The following CCDC169 variants were observed in gnomAD, a reference collection of about 807,000 sequenced individuals.
CCDC169 encodes the protein coiled-coil domain containing 169, also known as coiled-coil domain-containing protein 169.
Under a neutral mutation model 36.0 loss-of-function variants are expected in CCDC169, and 30 were observed. The ratio of observed to expected loss-of-function variants is 0.83; its 90% CI spans 0.62 to 1.13. The LOEUF (loss-of-function observed/expected upper bound fraction) is 1.13, where lower values mean the gene tolerates loss of function less well. CCDC169 is among the 50% of genes most tolerant of loss of function. The pLI, the probability that CCDC169 is intolerant of heterozygous loss-of-function variation, is 0.00. For synonymous variants in CCDC169, 85 were observed against 81.5 expected (o/e 1.04, Z -0.23); for missense variants, 245 against 245.9 (o/e 1.00, Z 0.03).
intron 7 of CCDC169, among the ~76,000 whole-genome samples, chr13:36,233,319 C>T (rs1035635623): frequency 3.9e-5 from 6 of 152,166 alleles, no homozygotes; most frequent in African/African-American, 1.2e-4. Context: ...GTGACAACAA[C>T]AAACCCTGGG....
intron 4 of CCDC169, among the ~76,000 whole-genome samples, chr13:36,259,461 C>A (rs1191873420): frequency 6.6e-6 from 1 of 152,226 alleles, no homozygotes; most frequent in African/African-American, 2.4e-5. Context: ...AAAGGACACT[C>A]CACAGAGTGA....
rs114986661 is a variant in CCDC169 at position 36,283,240 on chromosome 13, A to G, written c.315+229T>C. 2,923 of 518,784 alleles carry G rather than the reference A, an allele frequency of 5.6e-3. 43 individuals are homozygous for G. The highest frequency in any genetic ancestry group is 0.036 in the African/African-American group (1,868 of 51,704). 32.1% of individuals were successfully genotyped at this position (518,784 alleles called of 1,614,324 possible). A position where few individuals can be genotyped will look rare whatever the true frequency, so the allele number is the denominator to read the frequency against. On this transcript the variant is annotated intron_variant, in intron 4 of 7. Transcript: ENST00000239859. ...AAGGTTGGCGGTGATTCAAAAAGCA[A>G]TATCTATACATGCTCTGCTCTTCAG...
At chr13:36,255,659 T>TAAAAAA (rs3083965) in intron 4 of CCDC169, among the ~76,000 whole-genome samples, 3,071 of 124,426 alleles carry the variant, frequency 0.025, 53 homozygotes, top group South Asian at 0.039. Flanking sequence ...CAAGGCTCCA[T>TAAAAAA]AAAAAAAAAA....
At chr13:36,252,586 T>C (rs986428381) in intron 6 of CCDC169, among the ~76,000 whole-genome samples, 1 of 152,170 alleles carries the variant, frequency 6.6e-6, no homozygotes, top group Non-Finnish European at 1.5e-5. Flanking sequence ...TCTTTTCGGC[T>C]CTTCCTCCCT....
At chr13:36,281,745 C>T (rs1877566433) in intron 4 of CCDC169, among the ~76,000 whole-genome samples, 1 of 151,926 alleles carries the variant, frequency 6.6e-6, no homozygotes, top group Non-Finnish European at 1.5e-5. Flanking sequence ...GCCTGTAGTC[C>T]CAGCTATTCA....
At chr13:36,243,098 T>C (rs1335061575) in intron 7 of CCDC169, among the ~76,000 whole-genome samples, 1 of 152,194 alleles carries the variant, frequency 6.6e-6, no homozygotes, top group Non-Finnish European at 1.5e-5. Flanking sequence ...GAGTCATGGA[T>C]AAATCAGCTT....
intron 1 of CCDC169, among the ~76,000 whole-genome samples, chr13:36,296,202 C>G (rs1187675898): frequency 2.0e-5 from 3 of 152,230 alleles, no homozygotes; most frequent in Non-Finnish European, 4.4e-5. Flanking sequence ...AGCAATTCTC[C>G]TGCCTCAGCC....
intron 7 of CCDC169, among the ~76,000 whole-genome samples, chr13:36,236,362 G>GT (rs1408686640): frequency 1.3e-5 from 2 of 151,930 alleles, no homozygotes; most frequent in African/African-American, 4.8e-5. Flanking sequence ...ACGGTCAATT[G>GT]TTTTTTTACA....
chr13:36,233,162 T>C (rs1870639619), intron 7 of CCDC169, among the ~76,000 whole-genome samples: 1 of 152,230 alleles, frequency 6.6e-6, no homozygotes, highest in African/African-American at 2.4e-5. Context: ...AGGAGATTTA[T>C]TGATGCTAGG....
chr13:36,282,444 A>T, intron 4 of CCDC169: 1 of 985,066 alleles, frequency 1.0e-6, no homozygotes, highest in Non-Finnish European at 1.2e-6. Context: ...TCTATCGCTG[A>T]CTCCTTGATT....
At chr13:36,264,460 C>T (rs1410630) in intron 4 of CCDC169, among the ~76,000 whole-genome samples, 38,710 of 151,624 alleles carry the variant, frequency 0.26, 5,204 homozygotes, top group East Asian at 0.49. Context: ...TAGGGAAGGA[C>T]CTGGATAAAG....
Position 36,286,437 on chromosome 13 carries a change from A to G in CCDC169, c.164-2735T>C, listed in dbSNP as rs74045293. Among the ~76,000 whole-genome samples, 418 of 152,028 alleles carry G rather than the reference A, an allele frequency of 2.7e-3. 2 individuals carry two copies. The highest frequency in any genetic ancestry group is 9.8e-3 in the African/African-American group (408 of 41,482). On this transcript the variant is annotated intron_variant, in intron 2 of 7. Coordinates refer to ENST00000239859, the MANE Select transcript of CCDC169 (RefSeq NM_001144981.3). ...CATTTTATGCATTGGTTTTGTTTGT[A>G]TTTGCTGCACCCTTGGGCCTTTGCT...
intron 7 of CCDC169, among the ~76,000 whole-genome samples, chr13:36,244,977 A>C (rs1401669963): frequency 3.9e-5 from 6 of 152,190 alleles, no homozygotes; most frequent in Admixed American, 1.3e-4. Context: ...AATTTAAAGA[A>C]TTTGACTATT....
At chr13:36,242,964 A>G (rs1872029352) in intron 7 of CCDC169, among the ~76,000 whole-genome samples, 1 of 152,222 alleles carries the variant, frequency 6.6e-6, no homozygotes, top group African/African-American at 2.4e-5. Flanking sequence ...AACTTGCCCA[A>G]TTCTGACAGT....
intron 4 of CCDC169, among the ~76,000 whole-genome samples, chr13:36,256,354 C>A (rs1295133407): frequency 1.3e-5 from 2 of 152,020 alleles, no homozygotes; most frequent in African/African-American, 4.8e-5. Flanking sequence ...GCTGGGGAGG[C>A]CTCAGGAAAC....
At chr13:36,280,358 T>C (rs1877351506) in intron 4 of CCDC169, 2 of 152,144 alleles carry the variant, frequency 1.3e-5, no homozygotes, top group African/African-American at 2.4e-5. Flanking sequence ...ATGGAGTTGT[T>C]TGCCATAATA....
At chr13:36,294,970 T>C (rs1304969187) in intron 2 of CCDC169, among the ~76,000 whole-genome samples, 1 of 152,160 alleles carries the variant, frequency 6.6e-6, no homozygotes, top group Admixed American at 6.5e-5. Flanking sequence ...CCTTTTAGTT[T>C]TTATTTCTTC....
At chr13:36,279,684 A>C (rs558077457) in intron 4 of CCDC169, among the ~76,000 whole-genome samples, 1 of 152,312 alleles carries the variant, frequency 6.6e-6, no homozygotes, top group East Asian at 1.9e-4. Context: ...GCAAACTATA[A>C]CCTAAAGATC....
At chr13:36,239,605 T>C (rs1485166934) in intron 7 of CCDC169, among the ~76,000 whole-genome samples, 1 of 152,236 alleles carries the variant, frequency 6.6e-6, no homozygotes. Flanking sequence ...TTAGTGTTTG[T>C]TGAATTAGGG....
Sources: allele counts gnomAD v4.1 joint callset (sites outside exome capture counted in the v4.1 genomes callset), GRCh38; gene constraint gnomAD v4.1.1; transcripts MANE v1.5; gene names NCBI Gene and HGNC (gene_info 2026-07-23, HGNC 2026-07-21).